The following SCN2A variants were observed in gnomAD, a reference collection of about 807,000 sequenced individuals.
The protein encoded by SCN2A is sodium voltage-gated channel alpha subunit 2.
SCN2A carries 20 observed loss-of-function variants against 188.7 expected under a neutral mutation model. The observed-to-expected ratio is 0.11, with a 90% confidence interval of 0.07 to 0.15. The LOEUF is 0.15. Ranked by LOEUF, SCN2A falls within the 10% of genes least tolerant of loss-of-function variation. The pLI, the probability that SCN2A is intolerant of heterozygous loss-of-function variation, is 1.00. For missense variants in SCN2A, 1,278 were observed against 2,445.0 expected, an observed-to-expected ratio of 0.52 and a Z score of 10.07; for synonymous variants, 804 against 833.1, an observed-to-expected ratio of 0.97 and a Z score of 0.60.
Position 165,294,016 on chromosome 2 carries a change from A to C in SCN2A, c.-51-1757A>C, listed in dbSNP as rs1183166383. Reference sequence around the variant, plus strand: ...GTGGTCTTTGAAGGAGAATTAAAAAAAAAAAAAAAAAAAAAAAAAAAAGAT... The same window carrying C: ...GTGGTCTTTGAAGGAGAATTAAAAACAAAAAAAAAAAAAAAAAAAAAAGAT... On this transcript the variant is annotated intron_variant, in intron 1 of 26. Coordinates refer to ENST00000375437, the MANE Select transcript of SCN2A (RefSeq NM_001040142.2). The C allele has an allele frequency of 7.8e-5, 65 of 829,800 alleles. No individual in the cohort carries two copies. The Middle Eastern group carries it at 2.4e-3, about 31-fold the overall frequency. The allele number at this position is 829,800 out of a possible 1,614,324, so 51.4% of individuals were successfully genotyped here.
At chr2:165,243,114 C>A (rs1693691613) in intron 1 of SCN2A, among the ~76,000 whole-genome samples, 1 of 152,146 alleles carries the variant, frequency 6.6e-6, no homozygotes, top group African/African-American at 2.4e-5. Context: ...TTATCAATTT[C>A]TTATTCATAA....
intron 16 of SCN2A, among the ~76,000 whole-genome samples, chr2:165,350,577 A>G (rs999554513): frequency 7.9e-5 from 11 of 138,990 alleles, no homozygotes; most frequent in African/African-American, 1.1e-4. Flanking sequence ...GGTTCACGCC[A>G]TTCTCCTGCC....
intron 17 of SCN2A, among the ~76,000 whole-genome samples, chr2:165,363,155 G>T (rs1574686149): frequency 6.6e-6 from 1 of 152,038 alleles, no homozygotes; most frequent in Non-Finnish European, 1.5e-5. Context: ...ATTTTAAGAT[G>T]TCTTTCATTC....
intron 16 of SCN2A, among the ~76,000 whole-genome samples, chr2:165,348,843 T>C (rs927198507): frequency 1.3e-5 from 2 of 152,214 alleles, no homozygotes; most frequent in Non-Finnish European, 2.9e-5. Flanking sequence ...ACCTTTTCCA[T>C]AGGACTGTTG....
intron 11 of SCN2A, among the ~76,000 whole-genome samples, chr2:165,322,635 A>T (rs1265440233): frequency 6.6e-6 from 1 of 152,224 alleles, no homozygotes; most frequent in Non-Finnish European, 1.5e-5. Context: ...TGCCCCGTGT[A>T]CTATAATTAA....
intron 3 of SCN2A, among the ~76,000 whole-genome samples, chr2:165,300,726 G>A (rs1020356687): frequency 6.6e-6 from 1 of 152,202 alleles, no homozygotes; most frequent in Non-Finnish European, 1.5e-5. Context: ...ACATCAGTGG[G>A]AGTGAAGGTC....
At chr2:165,327,197 T>C in intron 13 of SCN2A, 1 of 538,778 alleles carries the variant, frequency 1.9e-6, no homozygotes, top group Non-Finnish European at 3.3e-6. Flanking sequence ...CTGCTGCAAA[T>C]GTAAGGTATA....
At chr2:165,286,001 G>A (rs184111207) in intron 1 of SCN2A, 69 of 203,296 alleles carry the variant, frequency 3.4e-4, no homozygotes, top group Non-Finnish European at 1.9e-4. Flanking sequence ...TGAAGACTTC[G>A]TGATATCCGA....
At chr2:165,383,660 T>C (rs1318850839) in intron 25 of SCN2A, among the ~76,000 whole-genome samples, 1 of 152,140 alleles carries the variant, frequency 6.6e-6, no homozygotes, top group African/African-American at 2.4e-5. Flanking sequence ...GCCTGAACCA[T>C]AGCAATGTGC....
intron 16 of SCN2A, among the ~76,000 whole-genome samples, chr2:165,353,071 A>C (rs1440839273): frequency 6.6e-6 from 1 of 151,358 alleles, no homozygotes; most frequent in Non-Finnish European, 1.5e-5. Context: ...TTTTTTCCAC[A>C]ATAGTGAGTT....
intron 1 of SCN2A, among the ~76,000 whole-genome samples, chr2:165,281,501 G>A (rs185988702): frequency 1.3e-5 from 2 of 152,036 alleles, no homozygotes; most frequent in Non-Finnish European, 2.9e-5. Flanking sequence ...AGTGCTTGGT[G>A]AGAAGTAGCC....
chr2:165,241,136 G>A (rs748430490), intron 1 of SCN2A: 4 of 91,430 alleles, frequency 4.4e-5, no homozygotes, highest in East Asian at 3.4e-4. Flanking sequence ...TTCACTGTGC[G>A]TGTGTGTGTG....
intron 3 of SCN2A, among the ~76,000 whole-genome samples, chr2:165,306,518 G>A (rs774720227): frequency 0.026 from 1,034 of 39,214 alleles, 7 homozygotes; most frequent in South Asian, 0.1. Flanking sequence ...GTGTGTGTGT[G>A]TGTGTGTGTG....
Position 165,309,463 on chromosome 2 carries a change from C to T in SCN2A, c.697+20C>T. ...TTCCAGGTGAGAGCTAGGTTAAACA[C>T]CGAGGCTGACTTTAGCTACAGTGGT... On this transcript the variant is annotated intron_variant, in intron 6 of 26. Transcript: ENST00000375437. 1 of 1,613,116 alleles carries T rather than the reference C, an allele frequency of 6.2e-7. No individual in the cohort carries two copies. Among genetic ancestry groups the T allele is most frequent in the Non-Finnish European group, 8.5e-7 (1 of 1,179,336 alleles).
intron 3 of SCN2A, among the ~76,000 whole-genome samples, chr2:165,299,711 C>A (rs2105221294): frequency 6.6e-6 from 1 of 152,232 alleles, no homozygotes; most frequent in Middle Eastern, 3.4e-3. Flanking sequence ...TTGTTGCAAA[C>A]CCTAGACTTA....
chr2:165,288,385 G>A (rs905741200), intron 1 of SCN2A, among the ~76,000 whole-genome samples: 1 of 139,066 alleles, frequency 7.2e-6, no homozygotes, highest in Non-Finnish European at 1.6e-5. Flanking sequence ...TTCACCTGAT[G>A]TTTCTTGACA....
At chr2:165,341,684 T>A (rs1309548914) in intron 14 of SCN2A, among the ~76,000 whole-genome samples, 1 of 152,240 alleles carries the variant, frequency 6.6e-6, no homozygotes, top group African/African-American at 2.4e-5. Flanking sequence ...GCTGAAGTAC[T>A]GAGACTGTGC....
intron 17 of SCN2A, among the ~76,000 whole-genome samples, chr2:165,362,305 A>T (rs959629759): frequency 6.6e-6 from 1 of 152,058 alleles, no homozygotes; most frequent in Non-Finnish European, 1.5e-5. Flanking sequence ...CACTAAAATG[A>T]AAGGGAGCAA....
intron 7 of SCN2A, 46 bp from the exon 8 acceptor site, chr2:165,311,979 T>C (rs1219804574): frequency 9.7e-6 from 14 of 1,445,808 alleles, no homozygotes; most frequent in African/African-American, 1.4e-5. Flanking sequence ...GCTGAAGTGT[T>C]TTACAGGATT....
Sources: gnomAD v4.1 joint callset for allele counts (sites outside exome capture counted in the v4.1 genomes callset) on GRCh38, gnomAD v4.1.1 for gene constraint, MANE v1.5 for transcripts, NCBI Gene and HGNC (gene_info 2026-07-23, HGNC 2026-07-21) for gene names.